The following LYG2 variants were observed in gnomAD, a reference collection of about 807,000 sequenced individuals.
LYG2 encodes the protein lysozyme g-like protein 2.
Under a neutral mutation model 22.4 loss-of-function variants are expected in LYG2, and 25 were observed. The observed-to-expected ratio is 1.12, with a 90% CI of 0.81 to 1.56. LYG2 has a LOEUF of 1.56. Among genes scored for constraint, LYG2 ranks in the 40% most tolerant of loss-of-function variants. The pLI, the probability that LYG2 is intolerant of heterozygous loss-of-function variation, is 0.00. For missense variants in LYG2, 266 were observed against 269.5 expected, an observed-to-expected ratio of 0.99 and a Z score of 0.09; for synonymous variants, 88 against 97.0, an observed-to-expected ratio of 0.91 and a Z score of 0.55.
upstream of LYG2, among the ~76,000 whole-genome samples, chr2:99,256,586 C>T (rs1004186266): frequency 2.6e-5 from 4 of 152,182 alleles, no homozygotes; most frequent in Admixed American, 2.6e-4. Flanking sequence ...TAAGAAGTTA[C>T]GAATGATAAG....
intron 6 of LYG2, 149 bp from the exon 7 acceptor site, chr2:99,242,631 G>A (rs1027708111): frequency 2.5e-5 from 13 of 509,834 alleles, no homozygotes; most frequent in Admixed American, 7.1e-5. Flanking sequence ...CTGAAAGGAC[G>A]TGCTATCCCA....
upstream of LYG2, among the ~76,000 whole-genome samples, chr2:99,257,188 C>A (rs1238603471): frequency 6.6e-6 from 1 of 152,198 alleles, no homozygotes; most frequent in African/African-American, 2.4e-5. Context: ...ATTTTTATAC[C>A]ACTATCTGTC....
At chr2:99,249,979 G>C (rs1163843579) in intron 3 of LYG2, among the ~76,000 whole-genome samples, 1 of 151,888 alleles carries the variant, frequency 6.6e-6, no homozygotes, top group Non-Finnish European at 1.5e-5. Flanking sequence ...ACCTTCCAGT[G>C]GCTTTCTCCT....
intron 6 of LYG2, 75 bp downstream of exon 6, chr2:99,243,924 G>T (rs779986959): frequency 1.3e-6 from 2 of 1,563,814 alleles, no homozygotes; most frequent in Admixed American, 1.7e-5. Context: ...TGCTCCCAGG[G>T]AGTCTCGGGT....
intron 6 of LYG2, chr2:99,243,499 T>TAGAC (rs149841709): frequency 8.6e-6 from 12 of 1,391,444 alleles, no homozygotes; most frequent in Middle Eastern, 2.1e-4. Flanking sequence ...AACAGATAGA[T>TAGAC]AGATAGATAG....
At chr2:99,254,714 G>C (rs2094032962) in intron 2 of LYG2, among the ~76,000 whole-genome samples, 1 of 152,116 alleles carries the variant, frequency 6.6e-6, no homozygotes, top group African/African-American at 2.4e-5. Context: ...CTGTCACCCA[G>C]GCTGGAGTGC....
intron 3 of LYG2, 78 bp from the exon 4 acceptor site, chr2:99,246,898 C>T: frequency 7.0e-7 from 1 of 1,428,566 alleles, no homozygotes; most frequent in South Asian, 1.3e-5. Context: ...ATCACTAAAC[C>T]AAAGGCAGAA....
intron 5 of LYG2, among the ~76,000 whole-genome samples, chr2:99,244,853 G>T (rs1280479227): frequency 6.6e-6 from 1 of 152,126 alleles, no homozygotes. Flanking sequence ...GCTCAAGCTT[G>T]TAATCCCAGC....
At position 99,250,299 on chromosome 2, in the gene LYG2, T is replaced by C. The variant is rs541869978; in HGVS notation, c.44-3479A>G. 2.7e-5 allele frequency among the ~76,000 whole-genome samples: 4 copies of C among 149,978 alleles called. No homozygotes were observed. In the East Asian group the frequency reaches 5.9e-4, roughly 22 times the overall value. On this transcript the variant is annotated intron_variant, in intron 3 of 6. Coordinates refer to ENST00000333017, the MANE Select transcript of LYG2 (RefSeq NM_175735.4). ...AAAAAGAAAATAGTCCTTAAACATA[T>C]AAAAGACGTTAAACCACACTCAAAA... is the stretch of plus-strand genomic sequence containing the variant.
At chr2:99,245,010 G>A (rs868513547) in intron 5 of LYG2, among the ~76,000 whole-genome samples, 2 of 151,926 alleles carry the variant, frequency 1.3e-5, no homozygotes, top group Non-Finnish European at 1.5e-5. Context: ...TACTCAGGAG[G>A]CTGAGGGAGG....
intron 3 of LYG2, among the ~76,000 whole-genome samples, chr2:99,248,761 AAAAT>A (rs1241830436): frequency 1.5e-4 from 22 of 151,354 alleles, no homozygotes; most frequent in Admixed American, 3.3e-4. Context: ...AAATAAAATA[AAAAT>A]AAATAAATAA....
At chr2:99,261,167 C>CG in the LYG2 span, among the ~76,000 whole-genome samples, 1 of 151,840 alleles carries the variant, frequency 6.6e-6, no homozygotes, top group South Asian at 2.1e-4. Context: ...TGCAGCTCTG[C>CG]GGGGGCCATG....
At chr2:99,250,460 C>T (rs1009392185) in intron 3 of LYG2, among the ~76,000 whole-genome samples, 28 of 151,140 alleles carry the variant, frequency 1.9e-4, no homozygotes, top group African/African-American at 3.4e-4. Context: ...CTGCAAGCTC[C>T]GCCTCCTGGG....
chr2:99,242,609 C>G (rs2094008402), intron 6 of LYG2, 127 bp from the exon 7 acceptor site: 1 of 557,170 alleles, frequency 1.8e-6, no homozygotes. Flanking sequence ...CCTCCTCCCT[C>G]TCCCTCCCTT....
intron 4 of LYG2, among the ~76,000 whole-genome samples, chr2:99,246,056 C>T (rs1446023138): frequency 6.6e-6 from 1 of 152,098 alleles, no homozygotes; most frequent in Non-Finnish European, 1.5e-5. Context: ...TGTAGTGAGC[C>T]GAGATCATGC....
chr2:99,261,028 T>C, the LYG2 span, among the ~76,000 whole-genome samples: 2 of 152,186 alleles, frequency 1.3e-5, no homozygotes, highest in Non-Finnish European at 2.9e-5. Context: ...GAGTGGGGTT[T>C]ACATATGGAC....
upstream of LYG2, among the ~76,000 whole-genome samples, chr2:99,258,876 G>A: frequency 6.6e-6 from 1 of 152,102 alleles, no homozygotes; most frequent in East Asian, 1.9e-4. Flanking sequence ...TTGCATTATT[G>A]GTCTTCCAAT....
At chr2:99,258,923 T>C (rs150853074), upstream of LYG2, among the ~76,000 whole-genome samples, 1 of 152,300 alleles carries the variant, frequency 6.6e-6, no homozygotes, top group Non-Finnish European at 1.5e-5. Context: ...AAAGAAGATA[T>C]ACAAATGGCC....
chr2:99,247,320 T>C (rs754535571), intron 3 of LYG2, among the ~76,000 whole-genome samples: 8 of 152,134 alleles, frequency 5.3e-5, no homozygotes, highest in Non-Finnish European at 8.8e-5. Flanking sequence ...CAAACTCCTG[T>C]GCTCAAGCGA....
Sources: gnomAD v4.1 joint callset for allele counts (sites outside exome capture counted in the v4.1 genomes callset) on GRCh38, gnomAD v4.1.1 for gene constraint, MANE v1.5 for transcripts, NCBI Gene and HGNC (gene_info 2026-07-23, HGNC 2026-07-21) for gene names.